PPFIA2: variants seen among roughly 807,000 people sequenced by gnomAD.
PPFIA2 encodes PPFI scaffold protein A2.
In PPFIA2, 46 loss-of-function variants were observed where a neutral mutation model predicts 175.5. That is an observed-to-expected ratio of 0.26 (90% CI 0.21 to 0.34). PPFIA2 has a LOEUF of 0.34. Among genes scored for constraint, PPFIA2 ranks in the 10% least tolerant of loss-of-function variants. The pLI is 1.00. For missense variants in PPFIA2, 1,179 were observed against 1,506.1 expected, an observed-to-expected ratio of 0.78 and a Z score of 3.60; for synonymous variants, 568 against 511.4, an observed-to-expected ratio of 1.11 and a Z score of -1.49.
At chr12:81,484,885 TTTC>T (rs950227582) in intron 4 of PPFIA2, among the ~76,000 whole-genome samples, 1 of 151,912 alleles carries the variant, frequency 6.6e-6, no homozygotes, top group African/African-American at 2.4e-5. Flanking sequence ...TTTAAAATGT[TTTC>T]TTTCTTTGAA....
chr12:81,592,742 A>G (rs958384574), intron 4 of PPFIA2, among the ~76,000 whole-genome samples: 3 of 152,052 alleles, frequency 2.0e-5, no homozygotes, highest in Admixed American at 1.3e-4. Context: ...AGTCTTGGGT[A>G]TATCTTTATC....
At chr12:81,444,524 A>G (rs2050857076) in intron 6 of PPFIA2, among the ~76,000 whole-genome samples, 1 of 152,176 alleles carries the variant, frequency 6.6e-6, no homozygotes, top group South Asian at 2.1e-4. Flanking sequence ...TTTATTCAAA[A>G]TAATTCTTAT....
At chr12:81,540,047 CAGAG>C (rs2065971267) in intron 4 of PPFIA2, among the ~76,000 whole-genome samples, 1 of 151,286 alleles carries the variant, frequency 6.6e-6, no homozygotes, top group East Asian at 1.9e-4. Flanking sequence ...TGTGGAAAAA[CAGAG>C]AGAGAGAGGA....
chr12:81,505,960 T>C (rs899889567), intron 4 of PPFIA2: 13 of 152,100 alleles, frequency 8.5e-5, no homozygotes, highest in African/African-American at 3.1e-4. Flanking sequence ...GTTCTAGTGG[T>C]AAGGAATGAG....
intron 22 of PPFIA2, among the ~76,000 whole-genome samples, chr12:81,307,374 A>G (rs1180950095): frequency 6.6e-6 from 1 of 152,060 alleles, no homozygotes; most frequent in Non-Finnish European, 1.5e-5. Context: ...AATCCAAAAA[A>G]CTCACAATGT....
chr12:81,447,295 A>G (rs2051473968), intron 5 of PPFIA2, among the ~76,000 whole-genome samples: 1 of 152,148 alleles, frequency 6.6e-6, no homozygotes, highest in Non-Finnish European at 1.5e-5. Context: ...GCTGTTTTAC[A>G]TAGGTTGTGG....
Position 81,311,549 on chromosome 12 carries a change from C to T in PPFIA2, c.2643-12167G>A, listed in dbSNP as rs182091118. On this transcript the variant is annotated intron_variant, in intron 22 of 32. Coordinates refer to ENST00000549396, the MANE Select transcript of PPFIA2 (RefSeq NM_003625.5). Reference sequence around the variant, plus strand: ...GAGATCGAGACCATCCTGACTAACACGGTGAAACCCCGTCTCTACCAAAAA... The same window carrying T: ...GAGATCGAGACCATCCTGACTAACATGGTGAAACCCCGTCTCTACCAAAAA... Among the ~76,000 whole-genome samples the T allele has an allele frequency of 6.9e-3, 1,044 of 151,778 alleles. 17 individuals are homozygous for T. The highest frequency in any genetic ancestry group is 0.024 in the African/African-American group (993 of 41,382).
chr12:81,409,373 G>C (rs1592542279), intron 7 of PPFIA2, among the ~76,000 whole-genome samples: 1 of 152,130 alleles, frequency 6.6e-6, no homozygotes, highest in Non-Finnish European at 1.5e-5. Flanking sequence ...GTATTAAGAG[G>C]TGGGACCTTT....
intron 19 of PPFIA2, among the ~76,000 whole-genome samples, chr12:81,342,991 A>C (rs1470782026): frequency 6.6e-6 from 1 of 151,494 alleles, no homozygotes; most frequent in African/African-American, 2.4e-5. Context: ...ATCATGTACA[A>C]AACTTTCCTC....
At chr12:81,326,018 G>A (rs905161755) in intron 21 of PPFIA2, 148 bp from the exon 22 acceptor site, 2 of 582,196 alleles carry the variant, frequency 3.4e-6, no homozygotes, top group South Asian at 2.0e-5. Context: ...GCATAAAATG[G>A]CATGGGTACA....
chr12:81,726,851 G>A (rs2153635551), intron 3 of PPFIA2, among the ~76,000 whole-genome samples: 1 of 151,368 alleles, frequency 6.6e-6, no homozygotes, highest in East Asian at 2.0e-4. Context: ...AAGTACTGCT[G>A]TGATGCAACA....
At position 81,648,350 on chromosome 12, in the gene PPFIA2, T is replaced by C. The variant is rs187431141; in HGVS notation, c.303+28441A>G. On this transcript the variant is annotated intron_variant, in intron 4 of 32. Transcript: ENST00000549396. ...AAATTTCACAGCTGACATTCATCTA[T>C]GTAAAAAAAGCTATTAGAACTAATA... Among the ~76,000 whole-genome samples the C allele has an allele frequency of 1.2e-4, 18 of 152,058 alleles. 1 individual carries two copies. The highest frequency in any genetic ancestry group is 4.3e-4 in the African/African-American group (18 of 41,514).
chr12:81,347,505 C>A (rs768325445), intron 18 of PPFIA2, 28 bp downstream of exon 18: 2 of 1,550,492 alleles, frequency 1.3e-6, no homozygotes, highest in Non-Finnish European at 1.8e-6. Flanking sequence ...TAACAGGAGG[C>A]AAAGGTTCTC....
At chr12:81,420,360 G>C (rs1040840887) in intron 7 of PPFIA2, among the ~76,000 whole-genome samples, 19 of 151,982 alleles carry the variant, frequency 1.3e-4, no homozygotes, top group African/African-American at 4.3e-4. Flanking sequence ...TTGCCTGACA[G>C]GGAATTCAAA....
intron 20 of PPFIA2, among the ~76,000 whole-genome samples, 152 bp from the exon 21 acceptor site, chr12:81,339,486 A>G (rs1231398923): frequency 6.6e-6 from 1 of 150,794 alleles, no homozygotes; most frequent in Admixed American, 6.6e-5. Context: ...TATTAAATGC[A>G]GTTTTTTTTT....
chr12:81,506,673 G>A (rs987999675), intron 4 of PPFIA2, among the ~76,000 whole-genome samples: 9 of 152,144 alleles, frequency 5.9e-5, no homozygotes, highest in African/African-American at 1.9e-4. Context: ...TAGGTATTAT[G>A]TAACCAGGAT....
intron 22 of PPFIA2, among the ~76,000 whole-genome samples, chr12:81,323,150 C>A (rs1185765906): frequency 1.3e-5 from 2 of 151,926 alleles, no homozygotes; most frequent in Non-Finnish European, 2.9e-5. Flanking sequence ...AGAGATTTCT[C>A]CCAATTAAAT....
intron 7 of PPFIA2, among the ~76,000 whole-genome samples, chr12:81,432,463 C>CTTT (rs545183498): frequency 2.3e-5 from 3 of 132,800 alleles, no homozygotes; most frequent in Non-Finnish European, 3.2e-5. Context: ...GCAGAACTAA[C>CTTT]TTTTTTTTTT....
intron 15 of PPFIA2, among the ~76,000 whole-genome samples, chr12:81,362,271 T>C (rs1421060905): frequency 6.6e-6 from 1 of 151,284 alleles, no homozygotes; most frequent in Non-Finnish European, 1.5e-5. Flanking sequence ...CACATAAGCA[T>C]TGAACATATT....
Sources: allele counts gnomAD v4.1 joint callset (sites outside exome capture counted in the v4.1 genomes callset), GRCh38; gene constraint gnomAD v4.1.1; transcripts MANE v1.5; gene names NCBI Gene and HGNC (gene_info 2026-07-23, HGNC 2026-07-21).